Variants in RUSC2 observed in about 807,000 individuals in gnomAD.
The protein encoded by RUSC2 is AP-4 complex accessory subunit RUSC2.
RUSC2 carries 34 observed loss-of-function variants against 122.2 expected under a neutral mutation model. The ratio of observed to expected loss-of-function variants is 0.28; its 90% CI spans 0.21 to 0.37. RUSC2 has a LOEUF of 0.37. RUSC2 is among the 10% of genes least tolerant of loss of function. The pLI is 1.00. For missense variants in RUSC2, 1,747 were observed against 1,952.4 expected (o/e 0.89, Z 1.98); for synonymous variants, 784 against 790.0 (o/e 0.99, Z 0.13).
intron 2 of RUSC2, among the ~76,000 whole-genome samples, chr9:35,554,053 A>G (rs1821955309): frequency 6.6e-6 from 1 of 152,174 alleles, no homozygotes; most frequent in Non-Finnish European, 1.5e-5. Context: ...CAAGTAAGAG[A>G]ACTAATTCCC....
rs1438623249 is a variant in RUSC2 at position 35,557,642 on chromosome 9, T to A, written c.2984-272T>A. On this transcript the variant is annotated intron_variant, in intron 5 of 11. Coordinates refer to ENST00000361226, the MANE Select transcript of RUSC2 (RefSeq NM_014806.5). The surrounding 1 kb of genome is among the most constrained non-coding windows in gnomAD (Gnocchi z 4.6). ...AACCGATAGTTGGCCTGACCCAGGA[T>A]TGGAATAAGGGCTGAGAGGTAAGGA... 6.6e-6 allele frequency among the ~76,000 whole-genome samples: 1 copy of A among 151,924 alleles called. No individual in the cohort carries two copies. The highest frequency in any genetic ancestry group is 1.5e-5 in the Non-Finnish European group (1 of 67,992).
chr9:35,516,557 A>G (rs901963838), intron 1 of RUSC2, among the ~76,000 whole-genome samples: 4 of 152,206 alleles, frequency 2.6e-5, no homozygotes, highest in African/African-American at 7.2e-5. Context: ...GCTAAATTCT[A>G]TAGATGGTTT....
Position 35,546,846 on chromosome 9 carries a change from G to T in RUSC2, c.325G>T (p.Val109Leu), listed in dbSNP as rs1320993205. Reference sequence around the variant, plus strand: ...CAACCCCTTCTTGCTGCAGGAGGGTGTGGGTGAGCCAGGACTTGGTGACCT... The same window carrying T: ...CAACCCCTTCTTGCTGCAGGAGGGTTTGGGTGAGCCAGGACTTGGTGACCT... Reference protein sequence around the residue: ...RHNPFLLQEGVGEPGLGDLYD... With the variant: ...RHNPFLLQEGLGEPGLGDLYD... Residue 109 changes from valine to leucine, a missense_variant, in exon 2 of 12, where the codon GTG (valine) becomes TTG (leucine). Transcript: ENST00000361226. The surrounding 1 kb of genome is among the most constrained non-coding windows in gnomAD (Gnocchi z 4.3). 1.2e-6 allele frequency: 2 copies of T among 1,610,326 alleles called. No homozygotes were observed. Among genetic ancestry groups the T allele is most frequent in the African/African-American group, 2.7e-5 (2 of 74,898 alleles).
At chr9:35,518,822 A>ATGT (rs1298900448) in intron 1 of RUSC2, among the ~76,000 whole-genome samples, 2 of 152,162 alleles carry the variant, frequency 1.3e-5, no homozygotes, top group African/African-American at 4.8e-5. Context: ...TTTCTTTACA[A>ATGT]TGTCAGCACT....
At position 35,561,413 on chromosome 9, in the gene RUSC2, C is replaced by T; in HGVS notation, c.*31C>T. 2.6e-6 allele frequency: 4 copies of T among 1,551,232 alleles called. No individual in the cohort carries two copies. Among genetic ancestry groups the T allele is most frequent in the Admixed American group, 1.8e-5 (1 of 54,280 alleles). On this transcript the variant is annotated 3_prime_UTR_variant, in exon 12 of 12. Transcript: ENST00000361226. ...TGTGCATGCTGGTGGCCTCAGGGAC[C>T]CTCATAACCCCCAGACTCAGAGCCC...
chr9:35,524,812 A>G (rs1177322591), intron 1 of RUSC2, among the ~76,000 whole-genome samples: 1 of 152,106 alleles, frequency 6.6e-6, no homozygotes, highest in Non-Finnish European at 1.5e-5. Flanking sequence ...TCTACTAAAA[A>G]TACAAAAAAT....
intron 1 of RUSC2, among the ~76,000 whole-genome samples, chr9:35,498,239 A>T (rs938354697): frequency 2.0e-5 from 3 of 152,090 alleles, no homozygotes; most frequent in Admixed American, 6.5e-5. Flanking sequence ...GGACTGTTAA[A>T]TAGAAATGGC....
chr9:35,496,280 G>T (rs1206378686), intron 1 of RUSC2, among the ~76,000 whole-genome samples: 1 of 152,136 alleles, frequency 6.6e-6, no homozygotes, highest in African/African-American at 2.4e-5. Context: ...GGAAACAGAA[G>T]TCTCTAGAGA....
At chr9:35,530,451 A>G (rs1024540401) in intron 1 of RUSC2, among the ~76,000 whole-genome samples, 3 of 152,138 alleles carry the variant, frequency 2.0e-5, no homozygotes, top group African/African-American at 4.8e-5. Flanking sequence ...AAGGATTTCC[A>G]TGATAAAGAA....
intron 1 of RUSC2, among the ~76,000 whole-genome samples, chr9:35,516,950 A>C (rs1821120960): frequency 4.6e-5 from 7 of 152,254 alleles, no homozygotes; most frequent in Admixed American, 4.6e-4. Context: ...GGCAATGGAT[A>C]TGTTAATTAG....
At chr9:35,524,181 A>G (rs1486001957) in intron 1 of RUSC2, among the ~76,000 whole-genome samples, 1 of 151,770 alleles carries the variant, frequency 6.6e-6, no homozygotes, top group Non-Finnish European at 1.5e-5. Context: ...AAAATTAGCT[A>G]GGCATGGGGC....
intron 1 of RUSC2, among the ~76,000 whole-genome samples, chr9:35,533,696 A>G (rs553182968): frequency 1.1e-4 from 16 of 152,326 alleles, no homozygotes; most frequent in African/African-American, 3.6e-4. Context: ...TTGTCTGGAC[A>G]TATCATGTAA....
intron 1 of RUSC2, among the ~76,000 whole-genome samples, chr9:35,504,144 A>G (rs1820868328): frequency 1.3e-5 from 2 of 152,224 alleles, no homozygotes; most frequent in South Asian, 2.1e-4. Context: ...TTTCCTTAGC[A>G]TAGAATTCTA....
chr9:35,555,310 C>T lies in RUSC2; in HGVS notation c.2265C>T (p.Pro755=), dbSNP rs1171767724. The stretch of plus-strand genomic sequence containing the variant: ...CAGGGGAACCGCAGGCATCCACTCC[C>T]CGAGCCACTGGCAGAGGTGCCAGGA... ...APSGEPQAST[P]RATGRGARKA... is the part of the protein sequence containing the mutation. The change falls in exon 3 of 12, where the codon CCC becomes CCT. Residue 755 remains proline (P), a synonymous_variant. Transcript: ENST00000361226. This position sits in a 1 kb window ranked among gnomAD's most constrained non-coding sequence, Gnocchi z 4.6. 1.2e-6 allele frequency: 2 copies of T among 1,614,092 alleles called. No individual in the cohort carries two copies. Among genetic ancestry groups the T allele is most frequent in the Admixed American group, 1.7e-5 (1 of 60,034 alleles).
At position 35,548,651 on chromosome 9, in the gene RUSC2, C is replaced by A; in HGVS notation, c.2014+116C>A. The stretch of plus-strand genomic sequence containing the variant: ...ATCCATACCACTAGAGGTTCCACAT[C>A]CTAGATCTGTTATCCTTCTAGGCCA... On this transcript the variant is annotated intron_variant, in intron 2 of 11. Transcript: ENST00000361226. This position sits in a 1 kb window ranked among gnomAD's most constrained non-coding sequence, Gnocchi z 4.5. 6.3e-6 allele frequency: 9 copies of A among 1,434,808 alleles called. No individual in the cohort carries two copies. The highest frequency in any genetic ancestry group is 8.2e-6 in the Non-Finnish European group (9 of 1,097,812). 88.9% of individuals were successfully genotyped at this position (1,434,808 alleles called of 1,614,324 possible). A position where few individuals can be genotyped will look rare whatever the true frequency, so the allele number is the denominator to read the frequency against.
intron 1 of RUSC2, among the ~76,000 whole-genome samples, chr9:35,506,554 G>C (rs1408342162): frequency 6.6e-6 from 1 of 152,184 alleles, no homozygotes; most frequent in Admixed American, 6.5e-5. Flanking sequence ...CTGACATTAA[G>C]CCTAGCTCAG....
chr9:35,532,300 G>A (rs932238709), intron 1 of RUSC2, among the ~76,000 whole-genome samples: 2 of 152,204 alleles, frequency 1.3e-5, no homozygotes, highest in Admixed American at 6.5e-5. Context: ...AACGGCAAAG[G>A]TAATGGGAAG....
chr9:35,549,091 A>G (rs1366560614), intron 2 of RUSC2: 1 of 985,210 alleles, frequency 1.0e-6, no homozygotes, highest in African/African-American at 1.7e-5. Context: ...TTAGAGGCTG[A>G]CATATTGGGA....
intron 1 of RUSC2, among the ~76,000 whole-genome samples, chr9:35,498,347 C>G (rs559638341): frequency 6.6e-6 from 1 of 151,572 alleles, no homozygotes; most frequent in South Asian, 2.1e-4. Flanking sequence ...GAGACCAGCC[C>G]GGCCAAAATG....
Sources: allele counts gnomAD v4.1 joint callset (sites outside exome capture counted in the v4.1 genomes callset), GRCh38; gene constraint gnomAD v4.1.1; non-coding constraint Gnocchi (gnomAD v3.1); transcripts MANE v1.5; gene names NCBI Gene and HGNC (gene_info 2026-07-23, HGNC 2026-07-21).